HMGN5: variants seen among roughly 807,000 people sequenced by gnomAD.
The protein encoded by HMGN5 is high mobility group nucleosome-binding domain-containing protein 5.
HMGN5 carries 4 observed loss-of-function variants against 9.5 expected under a neutral mutation model. The ratio of observed to expected loss-of-function variants is 0.42; its 90% CI spans 0.21 to 0.96. The LOEUF is 0.96. Among genes scored for constraint, HMGN5 ranks in the 40% least tolerant of loss-of-function variants. HMGN5 has a pLI of 0.30. For synonymous variants in HMGN5, 55 were observed against 57.1 expected, an observed-to-expected ratio of 0.96 and a Z score of 0.16; for missense variants, 192 against 187.5, an observed-to-expected ratio of 1.02 and a Z score of -0.14.
At chrX:81,119,896 C>G (rs2075264270) in intron 2 of HMGN5, 79 bp from the exon 3 acceptor site, 1 of 875,252 alleles carries the variant, frequency 1.1e-6, no homozygotes, top group East Asian at 3.2e-5. Context: ...CTGCGGATTA[C>G]AAATTTCAAT....
intron 2 of HMGN5, 26 bp downstream of exon 2, chrX:81,121,509 C>T: frequency 8.4e-7 from 1 of 1,190,128 alleles, no homozygotes; most frequent in Non-Finnish European, 1.1e-6. Context: ...CAGCTCATTC[C>T]CCGTCTGTCT....
At chrX:81,189,851 T>A (rs1234312999) in intron 1 of HMGN5, among the ~76,000 whole-genome samples, 2 of 112,390 alleles carry the variant, frequency 1.8e-5, no homozygotes, top group African/African-American at 3.2e-5. Context: ...CCACCAGCAA[T>A]GAATGATGTT....
rs181002135 is a variant in HMGN5, at chrX:81,133,479, G to T, written c.-123-11807C>A. 6.3e-5 allele frequency among the ~76,000 whole-genome samples: 7 copies of T among 111,533 alleles called. No individual in the cohort carries two copies. The East Asian group carries it at 1.4e-3, about 22-fold the overall frequency. ...ACCTAGATGTTCATCAATCATAGAT[G>T]GGATAAAGAAAATGTGGCACAAATA... On this transcript the variant is annotated intron_variant, in intron 1 of 6. Coordinates refer to ENST00000358130, the MANE Select transcript of HMGN5 (RefSeq NM_030763.3).
rs148137412 is a variant in HMGN5, at chrX:81,176,970, A to T, written c.-124+24767T>A. Among the ~76,000 whole-genome samples the T allele has an allele frequency of 1.6e-3, 180 of 110,422 alleles. 1 individual carries two copies. Among genetic ancestry groups the T allele is most frequent in the African/African-American group, 5.5e-3 (167 of 30,303 alleles). ...CACAAAGATACTCCTCGAGAAGAGTAAGAGCAAGACACATAATTGTCAGAT... is the reference window on the plus strand; with the variant it reads ...CACAAAGATACTCCTCGAGAAGAGTTAGAGCAAGACACATAATTGTCAGAT... On this transcript the variant is annotated intron_variant, in intron 1 of 6. Coordinates refer to ENST00000358130, the MANE Select transcript of HMGN5 (RefSeq NM_030763.3).
At chrX:81,151,623 T>C (rs1169919478) in intron 1 of HMGN5, among the ~76,000 whole-genome samples, 2 of 111,702 alleles carry the variant, frequency 1.8e-5, no homozygotes, top group Non-Finnish European at 3.8e-5. Context: ...TTTTATTTCA[T>C]TGAGCAGTGG....
intron 1 of HMGN5, among the ~76,000 whole-genome samples, chrX:81,175,152 A>G (rs2075438040): frequency 8.9e-6 from 1 of 112,267 alleles, no homozygotes; most frequent in East Asian, 2.8e-4. Flanking sequence ...TGGAAAAAGA[A>G]ATGGATGTTA....
intron 1 of HMGN5, chrX:81,197,923 C>T (rs1291867801): frequency 2.7e-5 from 3 of 111,300 alleles, no homozygotes; most frequent in Non-Finnish European, 5.7e-5. Flanking sequence ...ATCATGCTGA[C>T]TTACTTTTGC....
chrX:81,141,603 G>A (rs1272194199), intron 1 of HMGN5, among the ~76,000 whole-genome samples: 6 of 111,719 alleles, frequency 5.4e-5, no homozygotes, highest in Non-Finnish European at 1.1e-4. Context: ...GGTCATCAAG[G>A]AGGTACTTTT....
At chrX:81,118,356 C>A in intron 5 of HMGN5, 76 bp downstream of exon 5, 1 of 550,917 alleles carries the variant, frequency 1.8e-6, no homozygotes. Flanking sequence ...GTAAAATGAT[C>A]AGCTGTATGC....
In HMGN5 at chrX:81,201,516, C is replaced by A. The variant is rs766594224; in HGVS notation, c.-124+221G>T. Among the ~76,000 whole-genome samples the A allele has an allele frequency of 4.5e-5, 5 of 111,985 alleles. No individual in the cohort carries two copies. In the East Asian group the frequency reaches 1.4e-3, roughly 32 times the overall value. On this transcript the variant is annotated intron_variant, in intron 1 of 6. Coordinates refer to ENST00000358130, the MANE Select transcript of HMGN5 (RefSeq NM_030763.3). The stretch of plus-strand genomic sequence containing the variant: ...CAATCAGGCCTCCTGCAAATTCCCA[C>A]GGAAGCAGGGTTCCCTAATTTAACA...
chrX:81,195,393 T>C (rs2075505138), intron 1 of HMGN5: 1 of 111,102 alleles, frequency 9.0e-6, no homozygotes, highest in African/African-American at 3.3e-5. Flanking sequence ...TGGAAGCTGA[T>C]TAGATGGTAC....
At chrX:81,188,280 A>G (rs979784677) in intron 1 of HMGN5, among the ~76,000 whole-genome samples, 6 of 101,282 alleles carry the variant, frequency 5.9e-5, no homozygotes, top group Non-Finnish European at 7.9e-5. Context: ...TATTATTATT[A>G]TTATTATTAT....
chrX:81,145,154 C>G (rs1401758124), intron 1 of HMGN5, among the ~76,000 whole-genome samples: 1 of 111,672 alleles, frequency 9.0e-6, no homozygotes. Flanking sequence ...GCGAACAACA[C>G]AAACATTTTC....
In HMGN5 at chrX:81,177,367, C is replaced by CAAAAAAAAAAAAAAA. The variant is rs148090852; in HGVS notation, c.-124+24355_-124+24369dup. The stretch of plus-strand genomic sequence containing the variant: ...GAAGATCTACCAAGCAAATGGAAAG[C>CAAAAAAAAAAAAAAA]AAAAAAAAAAAAAAAAAAAAAAAAA... On this transcript the variant is annotated intron_variant, in intron 1 of 6. Transcript: ENST00000358130. 7.9e-3 allele frequency among the ~76,000 whole-genome samples: 84 copies of CAAAAAAAAAAAAAAA among 10,687 alleles called. 14 individuals are homozygous for CAAAAAAAAAAAAAAA. Among genetic ancestry groups the CAAAAAAAAAAAAAAA allele is most frequent in the Non-Finnish European group, 9.6e-3 (57 of 5,934 alleles). 9.3% of individuals were successfully genotyped at this position (10,687 alleles called of 115,157 possible).
rs184126629 is a variant in HMGN5, at chrX:81,184,827, T to G, written c.-124+16910A>C. On this transcript the variant is annotated intron_variant, in intron 1 of 6. Coordinates refer to ENST00000358130, the MANE Select transcript of HMGN5 (RefSeq NM_030763.3). The stretch of plus-strand genomic sequence containing the variant: ...ATGTGGCAAGAGAGCGGGACCTAGT[T>G]CCATTCTTTTGAGAATGAGTATCCA... Among the ~76,000 whole-genome samples, 6 of 111,625 alleles carry G rather than the reference T, an allele frequency of 5.4e-5. No individual in the cohort carries two copies. In the East Asian group the frequency reaches 1.4e-3, roughly 26 times the overall value.
At chrX:81,119,430 A>G (rs183246303) in intron 3 of HMGN5, among the ~76,000 whole-genome samples, 1 of 111,958 alleles carries the variant, frequency 8.9e-6, no homozygotes, top group Non-Finnish European at 1.9e-5. Flanking sequence ...AGTCATTTAG[A>G]GCCTCAACTT....
At chrX:81,141,943 C>G (rs142829138) in intron 1 of HMGN5, among the ~76,000 whole-genome samples, 1 of 111,637 alleles carries the variant, frequency 9.0e-6, no homozygotes, top group African/African-American at 3.3e-5. Flanking sequence ...GTTGAGGAAG[C>G]CAAAGAAATT....
Sources: allele counts gnomAD v4.1 joint callset (sites outside exome capture counted in the v4.1 genomes callset), GRCh38; gene constraint gnomAD v4.1.1; transcripts MANE v1.5; gene names NCBI Gene and HGNC (gene_info 2026-07-23, HGNC 2026-07-21).